The following CLIC2 variants were observed in gnomAD, a reference collection of about 807,000 sequenced individuals.
CLIC2 encodes the protein CLIC family member 2.
Under a neutral mutation model 14.8 loss-of-function variants are expected in CLIC2, and 9 were observed. The ratio of observed to expected loss-of-function variants is 0.61; its 90% CI spans 0.37 to 1.06. CLIC2 has a LOEUF of 1.06. Ranked by LOEUF, CLIC2 falls within the 50% of genes least tolerant of loss-of-function variation. The probability of loss-of-function intolerance (pLI) is 0.01; values close to 1 mark genes in which losing one functional copy is unlikely to be tolerated. For synonymous variants in CLIC2, 61 were observed against 66.3 expected (o/e 0.92, Z 0.39); for missense variants, 148 against 181.4 (o/e 0.82, Z 1.06).
intron 3 of CLIC2, chrX:155,293,126 G>A (rs898837528): frequency 2.7e-5 from 17 of 628,980 alleles, no homozygotes; most frequent in South Asian, 2.0e-4. Context: ...GATGAGAAGC[G>A]GAAAAATAAA....
intron 1 of CLIC2, among the ~76,000 whole-genome samples, chrX:155,329,780 G>A (rs2075150464): frequency 9.0e-6 from 1 of 110,694 alleles, no homozygotes; most frequent in Non-Finnish European, 1.9e-5. Flanking sequence ...AGATTTGGAA[G>A]CAACCTAAAT....
rs1482731170 is a variant in CLIC2, at chrX:155,334,519, G to A, written c.-92C>T. The A allele has an allele frequency of 2.6e-6, 2 of 763,186 alleles. No individual in the cohort carries two copies. Among genetic ancestry groups the A allele is most frequent in the Non-Finnish European group, 4.1e-6 (2 of 490,263 alleles). The allele number at this position is 763,186 out of a possible 1,213,427, so 62.9% of individuals were successfully genotyped here. A position where few individuals can be genotyped will look rare whatever the true frequency, so the allele number is the denominator to read the frequency against. ...TTCTCAATTTTATCCAAAGACTCAA[G>A]TAATGTTGGTGCTTTAAGAAGACCG... On this transcript the variant is annotated 5_prime_UTR_variant, in exon 1 of 6. Coordinates refer to ENST00000369449, the MANE Select transcript of CLIC2 (RefSeq NM_001289.6).
chrX:155,321,886 GA>G (rs1364041439), intron 1 of CLIC2, among the ~76,000 whole-genome samples: 4 of 107,302 alleles, frequency 3.7e-5, no homozygotes, highest in Non-Finnish European at 7.7e-5. Context: ...CAAATGGAAA[GA>G]AAAAAAAAGC....
chrX:155,330,112 C>T (rs1391085446), intron 1 of CLIC2, among the ~76,000 whole-genome samples: 1 of 110,776 alleles, frequency 9.0e-6, no homozygotes, highest in Non-Finnish European at 1.9e-5. Flanking sequence ...GGATGAATAA[C>T]ACCTAGTATT....
chrX:155,293,827 T>C (rs1022589020), intron 3 of CLIC2, among the ~76,000 whole-genome samples: 1 of 111,736 alleles, frequency 8.9e-6, no homozygotes, highest in Non-Finnish European at 1.9e-5. Flanking sequence ...ACTATCATTA[T>C]ATAATGACAG....
At chrX:155,295,382 C>T (rs1243487519) in intron 3 of CLIC2, among the ~76,000 whole-genome samples, 1 of 110,626 alleles carries the variant, frequency 9.0e-6, no homozygotes, top group Non-Finnish European at 1.9e-5. Flanking sequence ...ATAATAAAGG[C>T]TATATATGAT....
intron 1 of CLIC2, among the ~76,000 whole-genome samples, chrX:155,324,565 A>G (rs782711420): frequency 8.9e-6 from 1 of 112,135 alleles, no homozygotes. Context: ...AGCCATATGC[A>G]GAAAACGGAA....
chrX:155,278,176 C>A, intron 5 of CLIC2, 112 bp from the exon 6 acceptor site: 1 of 648,450 alleles, frequency 1.5e-6, no homozygotes, highest in Non-Finnish European at 2.4e-6. Flanking sequence ...ACACAAAAAG[C>A]ACTATAAAAT....
At chrX:155,294,919 C>T (rs113286409) in intron 3 of CLIC2, among the ~76,000 whole-genome samples, 3,235 of 111,349 alleles carry the variant, frequency 0.029, 57 homozygotes, top group Non-Finnish European at 0.046. Context: ...CAGGACTGGA[C>T]AAATTCACTG....
chrX:155,298,914 T>A lies in CLIC2; in HGVS notation c.168-4A>T. 8.3e-7 allele frequency: 1 copy of A among 1,209,017 alleles called. No homozygotes were observed. Among genetic ancestry groups the A allele is most frequent in the Non-Finnish European group, 1.1e-6 (1 of 893,112 alleles). On this transcript the variant is annotated splice_region_variant and splice_polypyrimidine_tract_variant and intron_variant, in intron 2 of 5. Transcript: ENST00000369449. ...GTCCTTTAGTTCTTCAGGCTTTCTA[T>A]GATTATTAAAAATAAGCAGAGTTAG...
At chrX:155,316,170 G>A (rs1254088393) in intron 1 of CLIC2, among the ~76,000 whole-genome samples, 1 of 111,234 alleles carries the variant, frequency 9.0e-6, no homozygotes, top group African/African-American at 3.3e-5. Context: ...AATAGTGGGG[G>A]ACTTTAAGAC....
intron 1 of CLIC2, among the ~76,000 whole-genome samples, chrX:155,301,041 G>C (rs1201451983): frequency 2.0e-5 from 1 of 50,366 alleles, no homozygotes; most frequent in Non-Finnish European, 5.4e-5. Context: ...TTTTGGCTTA[G>C]GATTGACTTT....
chrX:155,290,749 T>A (rs1557317518), intron 3 of CLIC2: 1 of 660,808 alleles, frequency 1.5e-6, no homozygotes, highest in Admixed American at 2.3e-5. Flanking sequence ...GCCAAAATTA[T>A]AATTTCATTT....
At chrX:155,305,009 G>C (rs782060334) in intron 1 of CLIC2, among the ~76,000 whole-genome samples, 51 of 110,550 alleles carry the variant, frequency 4.6e-4, no homozygotes, top group Non-Finnish European at 8.4e-4. Flanking sequence ...CATTTAAGTC[G>C]GCAGAGGTTA....
At position 155,334,412 on chromosome X, in the gene CLIC2, G is replaced by A; in HGVS notation, c.16C>T (p.Pro6Ser). The change falls in exon 1 of 6, where the codon CCC (proline) becomes TCC (serine). Residue 6 changes from proline to serine, a missense_variant. Coordinates refer to ENST00000369449, the MANE Select transcript of CLIC2 (RefSeq NM_001289.6). The stretch of plus-strand genomic sequence containing the variant: ...ATCTCAGGGTCCACTTGAGTGCCGG[G>A]CCGCAGGCCTGACATCTTTGTCTTT... MSGLR[P>S]GTQVDPEIEL... The A allele has an allele frequency of 8.3e-7, 1 of 1,209,446 alleles. No homozygotes were observed.
At chrX:155,279,617 A>C (rs782725481) in intron 4 of CLIC2, among the ~76,000 whole-genome samples, 27 of 112,077 alleles carry the variant, frequency 2.4e-4, no homozygotes, top group African/African-American at 8.1e-4. Flanking sequence ...GAAAGAAAAA[A>C]CACAGTTCTT....
At chrX:155,310,267 C>T (rs918573048) in intron 1 of CLIC2, 1 of 142,466 alleles carries the variant, frequency 7.0e-6, no homozygotes, top group Non-Finnish European at 1.4e-5. Context: ...GCTTAGGTGT[C>T]TTCTTGTTTA....
chrX:155,276,430 G>C lies in CLIC2; in HGVS notation c.*1473C>G, dbSNP rs1436927395. On this transcript the variant is annotated 3_prime_UTR_variant, in exon 6 of 6. Coordinates refer to ENST00000369449, the MANE Select transcript of CLIC2 (RefSeq NM_001289.6). ...TGAAATACATGCTACATTATTATTT[G>C]CTATAGTCACCCTACTGTGGTGAAT... 9.0e-6 allele frequency: 1 copy of C among 111,422 alleles called. No individual in the cohort carries two copies. The highest frequency in any genetic ancestry group is 9.5e-5 in the Admixed American group (1 of 10,515). 9.2% of individuals were successfully genotyped at this position (111,422 alleles called of 1,213,427 possible).
intron 3 of CLIC2, among the ~76,000 whole-genome samples, chrX:155,280,373 T>C: frequency 8.9e-6 from 1 of 112,277 alleles, no homozygotes; most frequent in Middle Eastern, 4.6e-3. Flanking sequence ...GTCAGTACAA[T>C]ACATTTGCAG....
Sources: allele counts gnomAD v4.1 joint callset (sites outside exome capture counted in the v4.1 genomes callset), GRCh38; gene constraint gnomAD v4.1.1; transcripts MANE v1.5; gene names NCBI Gene and HGNC (gene_info 2026-07-23, HGNC 2026-07-21).